PIK3C2G: variants seen among roughly 807,000 people sequenced by gnomAD.
The protein encoded by PIK3C2G is phosphatidylinositol-4-phosphate 3-kinase catalytic subunit type 2 gamma, also known as phosphatidylinositol 3-kinase C2 domain-containing subunit gamma.
In PIK3C2G, 168 loss-of-function variants were observed where a neutral mutation model predicts 181.1. The ratio of observed to expected loss-of-function variants is 0.93; its 90% CI spans 0.82 to 1.05. PIK3C2G has a LOEUF of 1.05. PIK3C2G is among the 50% of genes least tolerant of loss of function. The pLI, the probability that PIK3C2G is intolerant of heterozygous loss-of-function variation, is 0.00. For synonymous variants in PIK3C2G, 573 were observed against 592.2 expected (o/e 0.97, Z 0.47); for missense variants, 1,869 against 1,732.8 (o/e 1.08, Z -1.40).
upstream of PIK3C2G, among the ~76,000 whole-genome samples, chr12:18,258,726 C>T (rs1358923697): frequency 6.6e-6 from 1 of 150,864 alleles, no homozygotes; most frequent in Admixed American, 6.6e-5. Flanking sequence ...TAATGAATAT[C>T]GTCTTAAAAT....
chr12:18,707,928 G>A, the PIK3C2G span, among the ~76,000 whole-genome samples: 26 of 152,130 alleles, frequency 1.7e-4, no homozygotes, highest in African/African-American at 4.8e-4. Context: ...TGGAACACAC[G>A]TAGATAGTAA....
At chr12:18,281,923 T>C (rs982338859) in intron 1 of PIK3C2G, 81 bp from the exon 2 acceptor site, 2 of 580,122 alleles carry the variant, frequency 3.4e-6, no homozygotes, top group Admixed American at 3.3e-5. Flanking sequence ...CAGTTAGTTA[T>C]AGTTATTTAT....
intron 18 of PIK3C2G, among the ~76,000 whole-genome samples, chr12:18,456,697 T>C (rs887956395): frequency 1.3e-5 from 2 of 152,152 alleles, no homozygotes; most frequent in African/African-American, 4.8e-5. Context: ...AGGTAACCTT[T>C]TCCTATTGGC....
chr12:18,630,835 A>G (rs1275782306), intron 31 of PIK3C2G, among the ~76,000 whole-genome samples: 1 of 152,148 alleles, frequency 6.6e-6, no homozygotes, highest in Non-Finnish European at 1.5e-5. Context: ...CTTTATTTCA[A>G]CCTACCATGA....
At position 18,640,310 on chromosome 12, in the gene PIK3C2G, A is replaced by T. The variant is rs533422259; in HGVS notation, c.4183-119A>T. On this transcript the variant is annotated intron_variant, in intron 31 of 32. Transcript: ENST00000538779. Reference sequence around the variant, plus strand: ...TCTTTTGATTTTCTCTTATTTTCACATCAACAAAGTGACTGTAATAAATCC... The same window carrying T: ...TCTTTTGATTTTCTCTTATTTTCACTTCAACAAAGTGACTGTAATAAATCC... 39 of 763,400 alleles carry T rather than the reference A, an allele frequency of 5.1e-5. No individual in the cohort carries two copies. In the Admixed American group the frequency reaches 1.0e-3, roughly 20 times the overall value. 47.3% of individuals were successfully genotyped at this position (763,400 alleles called of 1,614,324 possible).
chr12:18,303,175 CTT>C (rs951818945), intron 5 of PIK3C2G, among the ~76,000 whole-genome samples: 1 of 125,590 alleles, frequency 8.0e-6, no homozygotes, highest in Admixed American at 8.3e-5. Flanking sequence ...CTTTCTTTCT[CTT>C]TCTCTCTCTT....
the PIK3C2G span, among the ~76,000 whole-genome samples, chr12:18,689,316 A>G: frequency 2.2e-4 from 33 of 152,196 alleles, no homozygotes; most frequent in Non-Finnish European, 4.4e-4. Context: ...ACATAATTGA[A>G]TATGAAAACT....
chr12:18,354,148 A>G (rs1940489303), intron 11 of PIK3C2G, among the ~76,000 whole-genome samples: 1 of 152,230 alleles, frequency 6.6e-6, no homozygotes, highest in African/African-American at 2.4e-5. Context: ...GGAGAGTTCA[A>G]ATACTTGGGT....
At chr12:18,303,647 A>G (rs1012911291) in intron 5 of PIK3C2G, among the ~76,000 whole-genome samples, 2 of 152,114 alleles carry the variant, frequency 1.3e-5, no homozygotes, top group African/African-American at 4.8e-5. Flanking sequence ...TCTTATCTCA[A>G]AAATCTTACT....
At chr12:18,460,623 C>CATATATATATAT (rs144060852) in intron 18 of PIK3C2G, among the ~76,000 whole-genome samples, 3,080 of 135,866 alleles carry the variant, frequency 0.023, 90 homozygotes, top group African/African-American at 0.061. Flanking sequence ...ACATCATATT[C>CATATATATATAT]ATATATATAT....
chr12:18,254,959 T>C (rs1948129545), intron 1 of PIK3C2G, among the ~76,000 whole-genome samples: 2 of 151,934 alleles, frequency 1.3e-5, no homozygotes, highest in Non-Finnish European at 2.9e-5. Flanking sequence ...CCGGGCGCAG[T>C]GGCTCACCCC....
rs1938421336 is a variant in PIK3C2G, at chr12:18,471,186, G to A, written c.2505-17263G>A. ...TTCTGGTATGCCATAAAGATGCCAGGGGAAGGAAAGCGATGCTCCAGAAGG... is the reference window on the plus strand; with the variant it reads ...TTCTGGTATGCCATAAAGATGCCAGAGGAAGGAAAGCGATGCTCCAGAAGG... On this transcript the variant is annotated intron_variant, in intron 18 of 32. Transcript: ENST00000538779. Among the ~76,000 whole-genome samples the A allele has an allele frequency of 1.3e-5, 2 of 151,738 alleles. 1 individual carries two copies. The highest frequency in any genetic ancestry group is 4.2e-4 in the South Asian group (2 of 4,814).
chr12:18,455,402 A>G (rs762371085), intron 18 of PIK3C2G, among the ~76,000 whole-genome samples: 5 of 152,128 alleles, frequency 3.3e-5, no homozygotes, highest in Non-Finnish European at 7.4e-5. Flanking sequence ...TCATGTAAAT[A>G]ACATACATAG....
intron 29 of PIK3C2G, among the ~76,000 whole-genome samples, chr12:18,571,151 G>A (rs976941972): frequency 1.3e-5 from 2 of 150,334 alleles, no homozygotes; most frequent in African/African-American, 5.0e-5. Flanking sequence ...TTTTCATTGT[G>A]ATTTCTCTTG....
At chr12:18,548,234 A>G (rs1023362604) in intron 26 of PIK3C2G, among the ~76,000 whole-genome samples, 2 of 152,002 alleles carry the variant, frequency 1.3e-5, no homozygotes, top group African/African-American at 2.4e-5. Flanking sequence ...TGGGAAGACA[A>G]AGGAGGAGCA....
rs75447384 is a variant in PIK3C2G at position 18,586,387 on chromosome 12, G to A, written c.4012-8107G>A. ...ATAAACACAATTAGAAATGACAAAG[G>A]GGACATTACCATTGACCTCACAAAA... is the stretch of plus-strand genomic sequence containing the variant. On this transcript the variant is annotated intron_variant, in intron 29 of 32. Coordinates refer to ENST00000538779, the MANE Select transcript of PIK3C2G (RefSeq NM_001288772.2). 3.4e-3 allele frequency among the ~76,000 whole-genome samples: 520 copies of A among 152,038 alleles called. 2 individuals are homozygous for A. Among genetic ancestry groups the A allele is most frequent in the African/African-American group, 0.012 (491 of 41,484 alleles).
At chr12:18,512,634 G>A (rs1167529810) in intron 24 of PIK3C2G, among the ~76,000 whole-genome samples, 1 of 151,678 alleles carries the variant, frequency 6.6e-6, no homozygotes, top group Non-Finnish European at 1.5e-5. Flanking sequence ...ACTGATTTTT[G>A]TATGTTTGTT....
rs1254598956 is a variant in PIK3C2G, at chr12:18,317,304, C to T, written c.1137+3240C>T. Among the ~76,000 whole-genome samples the T allele has an allele frequency of 2.0e-5, 3 of 152,022 alleles. No homozygotes were observed. The East Asian group carries it at 5.8e-4, about 29-fold the overall frequency. On this transcript the variant is annotated intron_variant, in intron 6 of 32. Transcript: ENST00000538779. The stretch of plus-strand genomic sequence containing the variant: ...GGGATTACAGGCATGAGCCACTGTG[C>T]CTGGTCCAAGTCTTGATAGTTTCAG...
chr12:18,522,347 T>A (rs940600284), intron 24 of PIK3C2G, among the ~76,000 whole-genome samples: 5 of 152,242 alleles, frequency 3.3e-5, no homozygotes, highest in African/African-American at 1.2e-4. Flanking sequence ...TGAGCCTTTT[T>A]TTCTCGTTTT....
Sources: gnomAD v4.1 joint callset for allele counts (sites outside exome capture counted in the v4.1 genomes callset) on GRCh38, gnomAD v4.1.1 for gene constraint, MANE v1.5 for transcripts, NCBI Gene and HGNC (gene_info 2026-07-23, HGNC 2026-07-21) for gene names.